Variants in SEMA5A observed in about 807,000 individuals in gnomAD.
The protein encoded by SEMA5A is semaphorin 5A.
SEMA5A carries 55 observed loss-of-function variants against 135.5 expected under a neutral mutation model. The observed-to-expected ratio is 0.41, with a 90% CI of 0.33 to 0.51. The LOEUF (loss-of-function observed/expected upper bound fraction) is 0.51, where lower values mean the gene tolerates loss of function less well. Ranked by LOEUF, SEMA5A falls within the 20% of genes least tolerant of loss-of-function variation. The pLI, the probability that SEMA5A is intolerant of heterozygous loss-of-function variation, is 0.37. For synonymous variants in SEMA5A, 580 were observed against 546.5 expected, an observed-to-expected ratio of 1.06 and a Z score of -0.85; for missense variants, 1,290 against 1,419.9, an observed-to-expected ratio of 0.91 and a Z score of 1.47.
At chr5:9,389,227 T>C (rs933423870) in intron 2 of SEMA5A, among the ~76,000 whole-genome samples, 1 of 152,178 alleles carries the variant, frequency 6.6e-6, no homozygotes, top group Non-Finnish European at 1.5e-5. Flanking sequence ...TCTCCTCGAA[T>C]GAAAGTACAC....
At chr5:9,495,258 G>T (rs888976940) in intron 1 of SEMA5A, among the ~76,000 whole-genome samples, 8 of 152,176 alleles carry the variant, frequency 5.3e-5, no homozygotes, top group Non-Finnish European at 8.8e-5. Context: ...GAGTCAGCAG[G>T]CAGGCTGTGT....
At chr5:9,375,227 A>G (rs1300673116) in intron 3 of SEMA5A, among the ~76,000 whole-genome samples, 1 of 152,174 alleles carries the variant, frequency 6.6e-6, no homozygotes, top group Non-Finnish European at 1.5e-5. Flanking sequence ...GATATACTGA[A>G]GTCCTAACCA....
chr5:9,514,410 A>T (rs1736393211), intron 1 of SEMA5A, among the ~76,000 whole-genome samples: 1 of 152,176 alleles, frequency 6.6e-6, no homozygotes, highest in Admixed American at 6.5e-5. Context: ...ACAGCAGCAG[A>T]GGTTAACCTC....
intron 16 of SEMA5A, among the ~76,000 whole-genome samples, chr5:9,074,093 A>T (rs924973259): frequency 2.0e-5 from 3 of 152,166 alleles, no homozygotes; most frequent in Admixed American, 6.5e-5. Context: ...TAACTTCAGG[A>T]TTCATTATAA....
At chr5:9,173,266 T>C (rs895020007) in intron 11 of SEMA5A, among the ~76,000 whole-genome samples, 2 of 147,930 alleles carry the variant, frequency 1.4e-5, no homozygotes, top group Non-Finnish European at 3.0e-5. Flanking sequence ...GGGAAAGTTG[T>C]TTTCTTCACC....
chr5:9,076,905 T>TGC (rs1452290341), intron 16 of SEMA5A, among the ~76,000 whole-genome samples: 4 of 146,646 alleles, frequency 2.7e-5, no homozygotes, highest in Non-Finnish European at 6.0e-5. Context: ...TGTGTGTGTG[T>TGC]GTGTAGCCTG....
At chr5:9,125,167 G>A (rs913814578) in intron 13 of SEMA5A, among the ~76,000 whole-genome samples, 1 of 152,116 alleles carries the variant, frequency 6.6e-6, no homozygotes, top group Admixed American at 6.6e-5. Flanking sequence ...AAATCCAATT[G>A]CTATAATTAT....
Position 9,425,727 on chromosome 5 carries a change from A to G in SEMA5A, c.-78+12029T>C, listed in dbSNP as rs539993465. Among the ~76,000 whole-genome samples, 7 of 152,236 alleles carry G rather than the reference A, an allele frequency of 4.6e-5. No individual in the cohort carries two copies. The South Asian group carries it at 1.5e-3, about 32-fold the overall frequency. On this transcript the variant is annotated intron_variant, in intron 2 of 22. Transcript: ENST00000382496. The stretch of plus-strand genomic sequence containing the variant: ...AATAAAACCAAGATTCCATTTGGAG[A>G]AACCTATAGCTGCTTTACTTTGCAA...
At chr5:9,314,165 C>A (rs1199015152) in intron 5 of SEMA5A, among the ~76,000 whole-genome samples, 3 of 152,082 alleles carry the variant, frequency 2.0e-5, no homozygotes, top group African/African-American at 4.8e-5. Context: ...CTGAGATATA[C>A]AAATCAACCC....
chr5:9,095,418 A>G (rs1427120009), intron 16 of SEMA5A, among the ~76,000 whole-genome samples: 1 of 152,232 alleles, frequency 6.6e-6, no homozygotes, highest in African/African-American at 2.4e-5. Flanking sequence ...AAATAAAAAT[A>G]TAGTAGCCGC....
intron 11 of SEMA5A, among the ~76,000 whole-genome samples, chr5:9,165,916 T>A (rs1036398853): frequency 2.6e-5 from 4 of 152,126 alleles, no homozygotes; most frequent in Admixed American, 2.0e-4. Context: ...ATTAAATTGG[T>A]CTTGGCACTG....
At chr5:9,063,554 T>G (rs1328926380) in intron 17 of SEMA5A, among the ~76,000 whole-genome samples, 1 of 152,186 alleles carries the variant, frequency 6.6e-6, no homozygotes, top group African/African-American at 2.4e-5. Flanking sequence ...AAACCTATTC[T>G]TTCAGCTGTT....
chr5:9,451,218 T>C (rs539635926), intron 1 of SEMA5A, among the ~76,000 whole-genome samples: 14 of 152,320 alleles, frequency 9.2e-5, no homozygotes, highest in South Asian at 8.3e-4. Context: ...TGTCTCTGTC[T>C]CCTCACACAT....
chr5:9,220,872 C>T (rs180958063), intron 8 of SEMA5A, among the ~76,000 whole-genome samples: 29 of 152,254 alleles, frequency 1.9e-4, no homozygotes, highest in Non-Finnish European at 2.9e-4. Context: ...ACCACAGCAG[C>T]GCCGCATGGT....
chr5:9,275,079 T>G (rs1303906081), intron 5 of SEMA5A, among the ~76,000 whole-genome samples: 2 of 151,886 alleles, frequency 1.3e-5, no homozygotes, highest in Non-Finnish European at 2.9e-5. Context: ...ATAGATAGAC[T>G]TCTAGCCAGA....
chr5:9,268,482 C>G (rs1579752230), intron 5 of SEMA5A, among the ~76,000 whole-genome samples: 1 of 151,980 alleles, frequency 6.6e-6, no homozygotes, highest in Non-Finnish European at 1.5e-5. Context: ...ACTTTTTATC[C>G]TTTTTTGGCA....
Position 9,286,414 on chromosome 5 carries a change from C to A in SEMA5A, c.270+31958G>T, listed in dbSNP as rs115857858. On this transcript the variant is annotated intron_variant, in intron 5 of 22. Transcript: ENST00000382496. ...TGATTTTTTCCCCCAGACTCTGACA[C>A]CCCTCCGTACTCTTTTTTCTATCTC... Among the ~76,000 whole-genome samples, 788 of 152,106 alleles carry A rather than the reference C, an allele frequency of 5.2e-3. 8 individuals carry two copies. Among genetic ancestry groups the A allele is most frequent in the African/African-American group, 0.018 (735 of 41,462 alleles).
intron 10 of SEMA5A, among the ~76,000 whole-genome samples, chr5:9,196,048 C>T (rs6898187): frequency 0.23 from 35,241 of 152,244 alleles, 4,289 homozygotes; most frequent in South Asian, 0.33. Context: ...CATAGCACTG[C>T]CACCAGTGTG....
chr5:9,130,636 A>G (rs112959953), intron 13 of SEMA5A, among the ~76,000 whole-genome samples: 2,342 of 152,290 alleles, frequency 0.015, 25 homozygotes, highest in Non-Finnish European at 0.026. Flanking sequence ...GAGATAATCC[A>G]TTGAAAGTTG....
Sources: gnomAD v4.1 joint callset for allele counts (sites outside exome capture counted in the v4.1 genomes callset) on GRCh38, gnomAD v4.1.1 for gene constraint, MANE v1.5 for transcripts, NCBI Gene and HGNC (gene_info 2026-07-23, HGNC 2026-07-21) for gene names.